Variants in MKRN1 observed in about 807,000 individuals in gnomAD.
The protein encoded by MKRN1 is makorin ring finger protein 1, also known as E3 ubiquitin-protein ligase makorin-1.
A neutral mutation model predicts 55.5 loss-of-function variants in MKRN1; 9 were observed. The ratio of observed to expected loss-of-function variants is 0.16; its 90% CI spans 0.10 to 0.28. The LOEUF is 0.28. Ranked by LOEUF, MKRN1 falls within the 10% of genes least tolerant of loss-of-function variation. The probability of loss-of-function intolerance (pLI) is 1.00; values close to 1 mark genes in which losing one functional copy is unlikely to be tolerated. For synonymous variants in MKRN1, 253 were observed against 235.9 expected (o/e 1.07, Z -0.66); for missense variants, 488 against 626.7 (o/e 0.78, Z 2.36).
chr7:140,456,984 C>T, intron 4 of MKRN1, 118 bp from the exon 5 acceptor site: 1 of 1,025,960 alleles, frequency 9.7e-7, no homozygotes, highest in East Asian at 2.6e-5. Context: ...ACAATGTTCC[C>T]AAGCTGACAC....
At chr7:140,455,357 G>C in intron 6 of MKRN1, 124 bp from the exon 7 acceptor site, 1 of 1,210,050 alleles carries the variant, frequency 8.3e-7, no homozygotes, top group South Asian at 1.4e-5. Flanking sequence ...CCCTCCCCAA[G>C]ATGTGTTCTT....
chr7:140,460,003 T>G (rs1054261160), intron 2 of MKRN1, 67 bp from the exon 3 acceptor site: 111 of 1,352,040 alleles, frequency 8.2e-5, no homozygotes, highest in Non-Finnish European at 1.1e-4. Flanking sequence ...TCCCAACAGT[T>G]TGGGAAGCTG....
chr7:140,471,942 C>A lies in MKRN1; in HGVS notation c.255G>T (p.Pro85=), dbSNP rs11556754. 1.9e-6 allele frequency: 3 copies of A among 1,613,952 alleles called. No homozygotes were observed. The South Asian group carries it at 3.3e-5, about 18-fold the overall frequency. The change falls in exon 2 of 8, where the codon CCG becomes CCT. Residue 85 remains proline, a synonymous_variant. Transcript: ENST00000255977. ...CRYSHDLSDS[P]YSVVCKYFQR... ...GAAAATACTTGCACACTACACTATA[C>A]GGACTGTCAGAGAGGTCATGCGAGT...
chr7:140,456,235 GATT>G, intron 5 of MKRN1: 1 of 1,156,992 alleles, frequency 8.6e-7, no homozygotes, highest in Non-Finnish European at 1.1e-6. Flanking sequence ...GCTCTGTTTA[GATT>G]ATGTGGTTTT....
intron 1 of MKRN1, 32 bp downstream of exon 1, chr7:140,479,128 C>A (rs902404161): frequency 4.6e-6 from 6 of 1,298,530 alleles, no homozygotes; most frequent in Non-Finnish European, 5.8e-6. Flanking sequence ...GCCCCCTCCC[C>A]GCGCCCGGCG....
In MKRN1 at chr7:140,469,025, T is replaced by C. The variant is rs529684047; in HGVS notation, c.314+2858A>G. On this transcript the variant is annotated intron_variant, in intron 2 of 7. Transcript: ENST00000255977. Reference sequence around the variant, plus strand: ...TGGCTCACACTACATTTTCTGATAATGACATTAAAATTGACTATGACTATG... The same window carrying C: ...TGGCTCACACTACATTTTCTGATAACGACATTAAAATTGACTATGACTATG... 2.0e-5 allele frequency among the ~76,000 whole-genome samples: 3 copies of C among 152,236 alleles called. No homozygotes were observed. In the East Asian group the frequency reaches 5.8e-4, roughly 29 times the overall value.
At chr7:140,467,282 C>A (rs2130312846) in intron 2 of MKRN1, among the ~76,000 whole-genome samples, 1 of 151,698 alleles carries the variant, frequency 6.6e-6, no homozygotes, top group East Asian at 2.0e-4. Context: ...CCGCCCCCTC[C>A]CCCACTTTCT....
rs1258441413 is a variant in MKRN1 at position 140,479,474 on chromosome 7, G to T, written c.-130C>A. 3.1e-6 allele frequency: 3 copies of T among 963,776 alleles called. No individual in the cohort carries two copies. Among genetic ancestry groups the T allele is most frequent in the African/African-American group, 3.4e-5 (2 of 58,764 alleles). The allele number at this position is 963,776 out of a possible 1,614,324, so 59.7% of individuals were successfully genotyped here. ...ACACTGAGGCACCCGTTCGGTCCCC[G>T]CCTGCTACGCGTCGCGTATCTGAGC... On this transcript the variant is annotated 5_prime_UTR_variant, in exon 1 of 8. Coordinates refer to ENST00000255977, the MANE Select transcript of MKRN1 (RefSeq NM_013446.4).
intron 1 of MKRN1, among the ~76,000 whole-genome samples, chr7:140,477,098 C>CAAAAAAA (rs35476052): frequency 1.2e-5 from 1 of 83,532 alleles, no homozygotes; most frequent in Non-Finnish European, 2.6e-5. Flanking sequence ...AACTCTGTCT[C>CAAAAAAA]AAAAAAAAAA....
intron 3 of MKRN1, among the ~76,000 whole-genome samples, chr7:140,459,484 C>T (rs1794557180): frequency 1.3e-5 from 2 of 152,002 alleles, no homozygotes; most frequent in Admixed American, 6.6e-5. Flanking sequence ...TCAAAAAGTA[C>T]TCGAAAGGAT....
intron 2 of MKRN1, among the ~76,000 whole-genome samples, chr7:140,468,550 A>T (rs1160825119): frequency 6.6e-6 from 1 of 151,632 alleles, no homozygotes; most frequent in Non-Finnish European, 1.5e-5. Context: ...AAAATGCAAA[A>T]ATTAGCTGGG....
rs1192418715 is a variant in MKRN1, at chr7:140,454,635, A to C, written c.1331T>G (p.Leu444Arg). The C allele has an allele frequency of 1.9e-6, 3 of 1,613,972 alleles. No individual in the cohort carries two copies. In the Admixed American group the frequency reaches 5.0e-5, roughly 27 times the overall value. Residue 444 changes from leucine (L) to arginine (R), a missense_variant, in exon 8 of 8, where the codon CTG becomes CGG. This residue lies in a region of MKRN1 where 278 missense variants were observed against 406.7 expected (regional missense o/e 0.68). Coordinates refer to ENST00000255977, the MANE Select transcript of MKRN1 (RefSeq NM_013446.4). ...NDEEEVVTFE[L>R]GEMLLMLLAA... is the part of the protein sequence containing the mutation. ...CAAAAGCATAAGCAACATCTCGCCC[A>C]GCTCAAAGGTGACAACCTCTTCTTC...
chr7:140,477,601 T>C (rs1418907615), intron 1 of MKRN1, among the ~76,000 whole-genome samples: 2 of 151,992 alleles, frequency 1.3e-5, no homozygotes, highest in Non-Finnish European at 2.9e-5. Flanking sequence ...GGATTACAGG[T>C]GTGAGCCACT....
At chr7:140,468,348 A>G (rs1366565110) in intron 2 of MKRN1, among the ~76,000 whole-genome samples, 1 of 152,088 alleles carries the variant, frequency 6.6e-6, no homozygotes, top group Non-Finnish European at 1.5e-5. Flanking sequence ...TCGTCCATTC[A>G]CCATTGCAGT....
In MKRN1 at chr7:140,459,017, T is replaced by C. The variant is rs1164824411; in HGVS notation, c.761A>G (p.Gln254Arg). 3 of 1,613,860 alleles carry C rather than the reference T, an allele frequency of 1.9e-6. No individual in the cohort carries two copies. The highest frequency in any genetic ancestry group is 3.3e-5 in the Admixed American group (2 of 60,002). Residue 254 changes from glutamine to arginine, a missense_variant, in exon 4 of 8, where the codon CAG (glutamine) becomes CGG (arginine). Around this residue, in one of 2 missense-constraint regions of MKRN1, gnomAD observed 278 missense variants for 406.7 expected, o/e 0.68. Transcript: ENST00000255977. ...LHPMDAAQRS[Q>R]HIKSCIEAHE... ...TCCCTAAAGACTTACTTTGATATGC[T>C]GCGATCTCTGGGCAGCATCCATTGG...
chr7:140,460,246 CAAAAAA>C (rs58698651), intron 2 of MKRN1: 361 of 77,216 alleles, frequency 4.7e-3, no homozygotes, highest in South Asian at 0.026. Flanking sequence ...GACTCCGTCT[CAAAAAA>C]AAAAAAAAAA....
chr7:140,463,668 A>C (rs187147657), intron 2 of MKRN1, among the ~76,000 whole-genome samples: 1 of 151,742 alleles, frequency 6.6e-6, no homozygotes, highest in Non-Finnish European at 1.5e-5. Flanking sequence ...GGCGGATCAC[A>C]AGGTCAGGAG....
chr7:140,460,651 T>C (rs781492428), intron 2 of MKRN1, among the ~76,000 whole-genome samples: 1 of 152,200 alleles, frequency 6.6e-6, no homozygotes, highest in Non-Finnish European at 1.5e-5. Context: ...AATGTGCCTG[T>C]ATTTGTGAGT....
At chr7:140,465,865 A>C (rs1794750268) in intron 2 of MKRN1, among the ~76,000 whole-genome samples, 3 of 152,074 alleles carry the variant, frequency 2.0e-5, no homozygotes, top group Non-Finnish European at 4.4e-5. Context: ...GCGGATCAGG[A>C]GGTCAGAAGA....
Sources: gnomAD v4.1 joint callset for allele counts (sites outside exome capture counted in the v4.1 genomes callset) on GRCh38, gnomAD v4.1.1 for gene constraint, gnomAD v4.1.1 regional missense constraint, MANE v1.5 for transcripts, NCBI Gene and HGNC (gene_info 2026-07-23, HGNC 2026-07-21) for gene names.